TENM1: variants seen among roughly 807,000 people sequenced by gnomAD.
TENM1 encodes the protein teneurin-1.
TENM1 carries 35 observed loss-of-function variants against 174.8 expected under a neutral mutation model. That is an observed-to-expected ratio of 0.20 (90% confidence interval 0.15 to 0.27). The LOEUF (loss-of-function observed/expected upper bound fraction) is 0.27, where lower values mean the gene tolerates loss of function less well. Among genes scored for constraint, TENM1 ranks in the 10% least tolerant of loss-of-function variants. The pLI is 1.00. For synonymous variants in TENM1, 781 were observed against 798.7 expected (o/e 0.98, Z 0.37); for missense variants, 1,633 against 2,130.1 (o/e 0.77, Z 4.59).
intron 4 of TENM1, among the ~76,000 whole-genome samples, chrX:124,724,820 C>T (rs1049325897): frequency 3.0e-4 from 33 of 111,231 alleles, no homozygotes; most frequent in Admixed American, 2.9e-3. Flanking sequence ...ATGTTGAAAT[C>T]GAATCCCCAA....
At chrX:124,452,878 GGA>G (rs1491006317) in intron 23 of TENM1, among the ~76,000 whole-genome samples, 48 of 71,278 alleles carry the variant, frequency 6.7e-4, no homozygotes, top group African/African-American at 1.4e-3. Context: ...GGGGGAGGGG[GGA>G]GGGATAACTT....
At chrX:125,101,288 C>T in the TENM1 span, among the ~76,000 whole-genome samples, 1 of 111,548 alleles carries the variant, frequency 9.0e-6, no homozygotes. Flanking sequence ...AACAAAACAA[C>T]CAATTTTTTT....
At chrX:125,091,253 C>T in the TENM1 span, among the ~76,000 whole-genome samples, 71 of 111,053 alleles carry the variant, frequency 6.4e-4, 1 homozygote, top group Admixed American at 3.1e-3. Context: ...ATTTTAAAGA[C>T]GAGGATGAGC....
the TENM1 span, among the ~76,000 whole-genome samples, chrX:125,162,702 C>T: frequency 3.1e-3 from 346 of 111,758 alleles, 1 homozygote; most frequent in Middle Eastern, 4.6e-3. Flanking sequence ...TCTATATTCC[C>T]TCCATGGGCA....
the TENM1 span, among the ~76,000 whole-genome samples, chrX:125,162,087 T>TC: frequency 9.0e-6 from 1 of 111,659 alleles, no homozygotes; most frequent in African/African-American, 3.3e-5. Flanking sequence ...AGGTTTTTTT[T>TC]CTGCCCCTTT....
intron 9 of TENM1, among the ~76,000 whole-genome samples, chrX:124,645,874 G>T (rs1478124079): frequency 9.0e-6 from 1 of 111,127 alleles, no homozygotes; most frequent in Non-Finnish European, 1.9e-5. Context: ...TGAGGACAAG[G>T]CCTGTATTTT....
rs767557414 is a variant in TENM1 at position 124,465,661 on chromosome X, C to T, written c.3950-12170G>A. ...GTTCTTTTTTACCTTTGTGTCCCAT[C>T]CTTTTTCAGATTCCTTCCTTTTTCT... On this transcript the variant is annotated intron_variant, in intron 22 of 31. Transcript: ENST00000422452. Among the ~76,000 whole-genome samples, 11 of 111,279 alleles carry T rather than the reference C, an allele frequency of 9.9e-5. No individual in the cohort carries two copies. In the South Asian group the frequency reaches 4.2e-3, roughly 42 times the overall value.
chrX:124,791,378 G>C lies in TENM1; in HGVS notation c.536-54181C>G, dbSNP rs1026683442. 1.6e-4 allele frequency among the ~76,000 whole-genome samples: 18 copies of C among 111,357 alleles called. 1 individual carries two copies. The highest frequency in any genetic ancestry group is 9.4e-5 in the Non-Finnish European group (5 of 53,039). ...TACATATATACAAAATATATCACTA[G>C]GAAATAATTTCTTTTGAAAAAAGTT... On this transcript the variant is annotated intron_variant, in intron 3 of 31. Coordinates refer to ENST00000422452, the Ensembl canonical transcript of TENM1.
intron 27 of TENM1, among the ~76,000 whole-genome samples, chrX:124,402,725 T>C (rs959162675): frequency 9.0e-6 from 1 of 111,633 alleles, no homozygotes; most frequent in African/African-American, 3.3e-5. Flanking sequence ...TTCAGAAAGT[T>C]TTTTTGAGGC....
intron 3 of TENM1, among the ~76,000 whole-genome samples, chrX:124,807,713 GT>G (rs199588385): frequency 0.053 from 5,853 of 111,092 alleles, 253 homozygotes; most frequent in African/African-American, 0.14. Flanking sequence ...AAAGTGTAGA[GT>G]TTTTAAAAAT....
chrX:124,953,727 G>A (rs1392634980), intron 1 of TENM1, among the ~76,000 whole-genome samples: 3 of 111,510 alleles, frequency 2.7e-5, no homozygotes, highest in African/African-American at 9.8e-5. Context: ...ACTTAGCCAG[G>A]GAGTCAGTCT....
At chrX:124,699,309 C>T (rs1335111058) in intron 5 of TENM1, among the ~76,000 whole-genome samples, 1 of 110,615 alleles carries the variant, frequency 9.0e-6, no homozygotes, top group African/African-American at 3.3e-5. Context: ...AATGACTAAC[C>T]TCCTGTCCAG....
intron 3 of TENM1, among the ~76,000 whole-genome samples, chrX:124,857,225 G>A (rs780044838): frequency 9.1e-6 from 1 of 110,295 alleles, no homozygotes; most frequent in African/African-American, 3.3e-5. Flanking sequence ...ATTATCAGCG[G>A]GGAAAAATAA....
chrX:124,377,831 C>A (rs1035744989), exon 32 of TENM1: 2 of 111,767 alleles, frequency 1.8e-5, no homozygotes, highest in African/African-American at 6.5e-5. Flanking sequence ...TCAGGAAATG[C>A]AAACGAATTG....
chrX:125,018,838 C>A, the TENM1 span, among the ~76,000 whole-genome samples: 1 of 111,312 alleles, frequency 9.0e-6, no homozygotes, highest in South Asian at 3.7e-4. Context: ...CTAATATGAG[C>A]GGACAGATCT....
chrX:125,183,619 G>A, the TENM1 span, among the ~76,000 whole-genome samples: 2 of 111,298 alleles, frequency 1.8e-5, no homozygotes, highest in South Asian at 3.8e-4. Flanking sequence ...CAGAGAAGAA[G>A]CACAGCAGCA....
chrX:124,808,107 CATA>C (rs1471491983), intron 3 of TENM1, among the ~76,000 whole-genome samples: 1 of 111,613 alleles, frequency 9.0e-6, no homozygotes, highest in Non-Finnish European at 1.9e-5. Context: ...TATAAGGACA[CATA>C]TAGACTGAAA....
the TENM1 span, among the ~76,000 whole-genome samples, chrX:124,986,128 T>A: frequency 2.4e-4 from 27 of 111,951 alleles, no homozygotes; most frequent in South Asian, 0.01. Flanking sequence ...AATTATTTCA[T>A]ATTCTATTTT....
At chrX:125,139,858 G>GGAGA in the TENM1 span, among the ~76,000 whole-genome samples, 1,103 of 89,884 alleles carry the variant, frequency 0.012, 15 homozygotes, top group African/African-American at 0.032. Flanking sequence ...ACACACACAC[G>GGAGA]GAGAGAGAGA....
Sources: allele counts gnomAD v4.1 joint callset (sites outside exome capture counted in the v4.1 genomes callset), GRCh38; gene constraint gnomAD v4.1.1; transcripts MANE v1.5; gene names NCBI Gene and HGNC (gene_info 2026-07-23, HGNC 2026-07-21).